DLC1: variants seen among roughly 807,000 people sequenced by gnomAD.
DLC1 encodes the protein DLC1 Rho GTPase activating protein, also known as rho GTPase-activating protein 7.
A neutral mutation model predicts 140.3 loss-of-function variants in DLC1; 54 were observed. The observed-to-expected ratio is 0.38, with a 90% CI of 0.31 to 0.48. The LOEUF (loss-of-function observed/expected upper bound fraction) is 0.48, where lower values mean the gene tolerates loss of function less well. Among genes scored for constraint, DLC1 ranks in the 20% least tolerant of loss-of-function variants. The probability of loss-of-function intolerance (pLI) is 0.96; values close to 1 mark genes in which losing one functional copy is unlikely to be tolerated. For synonymous variants in DLC1, 986 were observed against 728.1 expected, an observed-to-expected ratio of 1.35 and a Z score of -5.70; for missense variants, 2,536 against 1,907.0, an observed-to-expected ratio of 1.33 and a Z score of -6.14.
chr8:13,525,288 C>G (rs150642979), intron 1 of DLC1, among the ~76,000 whole-genome samples: 1 of 152,186 alleles, frequency 6.6e-6, no homozygotes, highest in African/African-American at 2.4e-5. Context: ...CATTACAAAT[C>G]AAGCTGCTAT....
chr8:13,130,657 T>C (rs555057717), intron 5 of DLC1, among the ~76,000 whole-genome samples: 3 of 152,372 alleles, frequency 2.0e-5, no homozygotes, highest in African/African-American at 7.2e-5. Flanking sequence ...CTATTCACTG[T>C]TTAAGGAATG....
At chr8:13,571,348 C>T (rs1291727735) in intron 1 of DLC1, among the ~76,000 whole-genome samples, 1 of 152,128 alleles carries the variant, frequency 6.6e-6, no homozygotes, top group Non-Finnish European at 1.5e-5. Flanking sequence ...AAACTCAACC[C>T]GTTCAGCAAT....
intron 4 of DLC1, among the ~76,000 whole-genome samples, chr8:13,390,533 G>A (rs1836705420): frequency 6.6e-6 from 1 of 152,106 alleles, no homozygotes; most frequent in African/African-American, 2.4e-5. Context: ...CTGATTCTAG[G>A]TCCTTGAGGA....
Position 13,178,817 on chromosome 8 carries a change from A to G in DLC1, c.1349-63160T>C, listed in dbSNP as rs188377358. ...CAAGAGTTGGATGTGGAGCAAACGA[A>G]ACTCTTATAAACTTCTAGTAGGAGT... On this transcript the variant is annotated intron_variant, in intron 5 of 17. Transcript: ENST00000276297. Among the ~76,000 whole-genome samples the G allele has an allele frequency of 3.7e-3, 561 of 152,268 alleles. 10 individuals carry two copies. The highest frequency in any genetic ancestry group is 7.1e-4 in the Non-Finnish European group (48 of 68,016).
chr8:13,579,352 TATATATATA>T (rs1804977220), intron 1 of DLC1, among the ~76,000 whole-genome samples: 6 of 31,508 alleles, frequency 1.9e-4, no homozygotes, highest in African/African-American at 4.2e-4. Flanking sequence ...TATATATATA[TATATATATA>T]TTTTTATATA....
intron 2 of DLC1, among the ~76,000 whole-genome samples, chr8:13,433,237 A>T (rs560695751): frequency 6.6e-6 from 1 of 152,234 alleles, no homozygotes; most frequent in African/African-American, 2.4e-5. Context: ...TTTTTGACCC[A>T]TGACTCTAGT....
At position 13,395,456 on chromosome 8, in the gene DLC1, C is replaced by A. The variant is rs544299690; in HGVS notation, c.1174-1763G>T. ...CTTGTCTGTCTTCCTCTATTAGAAT[C>A]TATGCATCGCAAGAGTAAGGACTTC... On this transcript the variant is annotated intron_variant, in intron 3 of 17. Coordinates refer to ENST00000276297, the MANE Select transcript of DLC1 (RefSeq NM_182643.3). Among the ~76,000 whole-genome samples the A allele has an allele frequency of 7.2e-5, 11 of 152,248 alleles. No individual in the cohort carries two copies. The East Asian group carries it at 2.1e-3, about 30-fold the overall frequency.
At chr8:13,528,160 G>A (rs770398560) in intron 1 of DLC1, among the ~76,000 whole-genome samples, 1 of 152,010 alleles carries the variant, frequency 6.6e-6, no homozygotes, top group Non-Finnish European at 1.5e-5. Context: ...CATAAACAAT[G>A]CTTTATCAAA....
intron 5 of DLC1, among the ~76,000 whole-genome samples, chr8:13,255,990 G>A (rs1158413894): frequency 1.3e-5 from 2 of 152,084 alleles, no homozygotes; most frequent in Non-Finnish European, 2.9e-5. Context: ...TAGCATATTT[G>A]GGTTTGAAGA....
chr8:13,113,029 G>C (rs1210148173), intron 6 of DLC1, among the ~76,000 whole-genome samples: 2 of 152,144 alleles, frequency 1.3e-5, no homozygotes, highest in African/African-American at 4.8e-5. Context: ...TATACCCAGA[G>C]CCATATTTTA....
chr8:13,453,424 GTGTATATATATA>G (rs1421921675), intron 2 of DLC1, among the ~76,000 whole-genome samples: 1 of 56,538 alleles, frequency 1.8e-5, no homozygotes, highest in Non-Finnish European at 2.6e-5. Context: ...ATATATATAT[GTGTATATATATA>G]TGTATATATA....
intron 2 of DLC1, among the ~76,000 whole-genome samples, chr8:13,466,930 T>C (rs7814428): frequency 0.82 from 123,071 of 150,444 alleles, 51,379 homozygotes; most frequent in Middle Eastern, 0.94. Flanking sequence ...CAGTTAACAG[T>C]GGTTGTCTAC....
At position 13,297,282 on chromosome 8, in the gene DLC1, T is replaced by TAAAAAA. The variant is rs60048506; in HGVS notation, c.1348+7981_1348+7986dup. ...CAGGCAAGCAGAGGCCTTCATACATTAAAAAAAAAAAAAACTGAAGCAAGT... is the reference window on the plus strand; with the variant it reads ...CAGGCAAGCAGAGGCCTTCATACATTAAAAAAAAAAAAAAAAAAAACTGAAGCAAGT... On this transcript the variant is annotated intron_variant, in intron 5 of 17. Coordinates refer to ENST00000276297, the MANE Select transcript of DLC1 (RefSeq NM_182643.3). Among the ~76,000 whole-genome samples, 28 of 9,634 alleles carry TAAAAAA rather than the reference T, an allele frequency of 2.9e-3. 8 individuals carry two copies. The highest frequency in any genetic ancestry group is 2.2e-3 in the Non-Finnish European group (12 of 5,556). 6.3% of individuals were successfully genotyped at this position (9,634 alleles called of 152,430 possible). A position where few individuals can be genotyped will look rare whatever the true frequency, so the allele number is the denominator to read the frequency against.
chr8:13,093,776 C>T (rs554512378), intron 12 of DLC1, among the ~76,000 whole-genome samples: 6 of 152,284 alleles, frequency 3.9e-5, no homozygotes, highest in African/African-American at 1.4e-4. Flanking sequence ...AAAATAAAGT[C>T]CACTGTGCCA....
chr8:13,315,205 A>G lies in DLC1; in HGVS notation c.1315-9903T>C, dbSNP rs559790924. ...TGAGGCAGAAGGATCCCTTGAGCCCAGGCGTTCGAGACCAGCATGAACAAG... is the reference window on the plus strand; with the variant it reads ...TGAGGCAGAAGGATCCCTTGAGCCCGGGCGTTCGAGACCAGCATGAACAAG... On this transcript the variant is annotated intron_variant, in intron 4 of 17. Coordinates refer to ENST00000276297, the MANE Select transcript of DLC1 (RefSeq NM_182643.3). 5.3e-5 allele frequency among the ~76,000 whole-genome samples: 8 copies of G among 152,306 alleles called. No individual in the cohort carries two copies. The South Asian group carries it at 1.7e-3, about 32-fold the overall frequency.
At chr8:13,466,904 C>T (rs1284442872) in intron 2 of DLC1, among the ~76,000 whole-genome samples, 1 of 151,460 alleles carries the variant, frequency 6.6e-6, no homozygotes, top group Non-Finnish European at 1.5e-5. Context: ...AAGTCTAATA[C>T]ATCAAATGTC....
chr8:13,579,941 A>G (rs1040751206), intron 1 of DLC1, among the ~76,000 whole-genome samples: 28 of 151,952 alleles, frequency 1.8e-4, no homozygotes, highest in Non-Finnish European at 4.0e-4. Context: ...CAATGGTGAC[A>G]GGATAGGAGT....
intron 3 of DLC1, among the ~76,000 whole-genome samples, chr8:13,395,004 T>TTCTA (rs57872249): frequency 5.8e-4 from 58 of 100,854 alleles, no homozygotes; most frequent in South Asian, 2.0e-3. Flanking sequence ...CTACTACATA[T>TTCTA]TCTATCTATC....
At chr8:13,511,375 A>T (rs537161869) in intron 1 of DLC1, among the ~76,000 whole-genome samples, 1 of 151,492 alleles carries the variant, frequency 6.6e-6, no homozygotes, top group Non-Finnish European at 1.5e-5. Context: ...TCATTTATAT[A>T]CTCTAATCCA....
Sources: allele counts gnomAD v4.1 joint callset (sites outside exome capture counted in the v4.1 genomes callset), GRCh38; gene constraint gnomAD v4.1.1; transcripts MANE v1.5; gene names NCBI Gene and HGNC (gene_info 2026-07-23, HGNC 2026-07-21).